SCAI: variants seen among roughly 807,000 people sequenced by gnomAD.
The protein encoded by SCAI is suppressor of cancer cell invasion.
SCAI carries 24 observed loss-of-function variants against 92.2 expected under a neutral mutation model. The observed-to-expected ratio is 0.26, with a 90% CI of 0.19 to 0.37. The LOEUF (loss-of-function observed/expected upper bound fraction) is 0.37. SCAI is among the 10% of genes least tolerant of loss of function. SCAI has a pLI of 1.00. For missense variants in SCAI, 450 were observed against 736.2 expected (o/e 0.61, Z 4.50); for synonymous variants, 261 against 258.6 (o/e 1.01, Z -0.09).
At chr9:125,051,023 T>G (rs1833550804) in intron 3 of SCAI, among the ~76,000 whole-genome samples, 1 of 152,110 alleles carries the variant, frequency 6.6e-6, no homozygotes, top group African/African-American at 2.4e-5. Context: ...ATGGCTTATT[T>G]ATTTATTTAT....
chr9:125,100,847 A>G (rs1834662936), intron 2 of SCAI, among the ~76,000 whole-genome samples: 1 of 152,214 alleles, frequency 6.6e-6, no homozygotes, highest in Non-Finnish European at 1.5e-5. Flanking sequence ...GTAGAAAATT[A>G]TTCTAGGCAG....
rs573625096 is a variant in SCAI, at chr9:125,019,566, G to A, written c.610-361C>T. Among the ~76,000 whole-genome samples, 4 of 152,180 alleles carry A rather than the reference G, an allele frequency of 2.6e-5. No homozygotes were observed. In the East Asian group the frequency reaches 5.8e-4, roughly 22 times the overall value. On this transcript the variant is annotated intron_variant, in intron 7 of 17. Transcript: ENST00000336505. ...TGTAATCCCAGCCCTTTGGGAGGTC[G>A]AGGTGGGAGGATCATTTGAGGCCAA...
intron 2 of SCAI, among the ~76,000 whole-genome samples, chr9:125,087,349 C>T (rs1834343008): frequency 6.6e-6 from 1 of 152,144 alleles, no homozygotes; most frequent in Non-Finnish European, 1.5e-5. Context: ...GGTTATCAGG[C>T]AGAAAGTTGG....
At chr9:125,110,095 G>C (rs1051678828) in intron 2 of SCAI, among the ~76,000 whole-genome samples, 2 of 152,224 alleles carry the variant, frequency 1.3e-5, no homozygotes, top group Non-Finnish European at 2.9e-5. Flanking sequence ...TATTCTAGTA[G>C]AGAGGATAAA....
At chr9:124,988,723 T>C (rs970234694) in intron 14 of SCAI, among the ~76,000 whole-genome samples, 8 of 152,068 alleles carry the variant, frequency 5.3e-5, no homozygotes, top group African/African-American at 1.9e-4. Flanking sequence ...AAAAAAGTTC[T>C]TAAAAGACAG....
At chr9:125,097,896 T>C (rs975795503) in intron 2 of SCAI, among the ~76,000 whole-genome samples, 8 of 151,754 alleles carry the variant, frequency 5.3e-5, no homozygotes, top group African/African-American at 1.7e-4. Context: ...TATATTCTTA[T>C]ATGTATATAT....
chr9:125,136,537 T>A (rs1397938639), intron 2 of SCAI, among the ~76,000 whole-genome samples: 1 of 140,782 alleles, frequency 7.1e-6, no homozygotes, highest in Non-Finnish European at 1.5e-5. Context: ...CTCAGCTCAC[T>A]GCAACCTCTG....
At chr9:125,029,761 T>G (rs376553994) in intron 3 of SCAI, 22 bp from the exon 4 acceptor site, 9 of 1,363,816 alleles carry the variant, frequency 6.6e-6, no homozygotes, top group Non-Finnish European at 9.3e-6. Flanking sequence ...AATGAGTATG[T>G]ATTAATATTA....
chr9:125,100,103 G>A (rs899479731), intron 2 of SCAI, among the ~76,000 whole-genome samples: 2 of 152,178 alleles, frequency 1.3e-5, no homozygotes, highest in South Asian at 2.1e-4. Flanking sequence ...ATTTTTTAAG[G>A]AACTGCCATA....
chr9:124,949,466 TC>T lies in SCAI; in HGVS notation c.*3340del, dbSNP rs1186328182. ...GAAGCCTACCCTGATCATCACTTTT[TC>T]TTTTCTTTTTTTCCAGAGACGAGGT... On this transcript the variant is annotated 3_prime_UTR_variant, in exon 18 of 18. Coordinates refer to ENST00000336505, the MANE Select transcript of SCAI (RefSeq NM_001144877.3). This position sits in a 1 kb window ranked among gnomAD's most constrained non-coding sequence, Gnocchi z 4.0. 1 of 152,298 alleles carries T rather than the reference TC, an allele frequency of 6.6e-6. No homozygotes were observed. Among genetic ancestry groups the T allele is most frequent in the East Asian group, 1.9e-4 (1 of 5,198 alleles). 9.4% of individuals were successfully genotyped at this position (152,298 alleles called of 1,614,324 possible). A position where few individuals can be genotyped will look rare whatever the true frequency, so the allele number is the denominator to read the frequency against.
chr9:125,078,489 C>T (rs1354769144), intron 2 of SCAI, among the ~76,000 whole-genome samples: 2 of 152,138 alleles, frequency 1.3e-5, no homozygotes, highest in African/African-American at 4.8e-5. Context: ...GATCACGCCA[C>T]TGCACTCCAG....
chr9:124,959,552 A>AC, intron 17 of SCAI, among the ~76,000 whole-genome samples: 1 of 150,530 alleles, frequency 6.6e-6, no homozygotes, highest in Admixed American at 6.6e-5. Context: ...ATATATATAT[A>AC]AAATACTTTA....
chr9:125,078,021 T>C (rs1279362550), intron 2 of SCAI, among the ~76,000 whole-genome samples: 1 of 151,592 alleles, frequency 6.6e-6, no homozygotes, highest in Admixed American at 6.6e-5. Flanking sequence ...TACCCAGCCT[T>C]TGGTGTATTT....
At chr9:124,975,657 A>G (rs12004504) in intron 15 of SCAI, among the ~76,000 whole-genome samples, 29,558 of 152,212 alleles carry the variant, frequency 0.19, 3,366 homozygotes, top group Non-Finnish European at 0.25. Context: ...TAAAAGAAAC[A>G]CTTTAAGTTG....
At chr9:125,131,098 CAG>C (rs1835390298) in intron 2 of SCAI, among the ~76,000 whole-genome samples, 1 of 151,708 alleles carries the variant, frequency 6.6e-6, no homozygotes, top group Non-Finnish European at 1.5e-5. Flanking sequence ...AGCTAACAAA[CAG>C]ATATTTTTTT....
rs111417728 is a variant in SCAI, at chr9:125,119,879, G to C, written c.98+22754C>G. On this transcript the variant is annotated intron_variant, in intron 2 of 17. Coordinates refer to ENST00000336505, the MANE Select transcript of SCAI (RefSeq NM_001144877.3). ...CAGCTGGGAGCTCAGCTGGGGCTGA[G>C]AGTCAGGAGCTTCAGTTTCCCTCTT... Among the ~76,000 whole-genome samples, 192 of 152,342 alleles carry C rather than the reference G, an allele frequency of 1.3e-3. 2 individuals are homozygous for C. The highest frequency in any genetic ancestry group is 4.3e-3 in the African/African-American group (180 of 41,588).
chr9:125,065,950 A>G (rs1220534887), intron 2 of SCAI: 4 of 742,828 alleles, frequency 5.4e-6, no homozygotes, highest in African/African-American at 1.8e-5. Flanking sequence ...CATTAATTTT[A>G]TAAAGGATAT....
intron 3 of SCAI, among the ~76,000 whole-genome samples, chr9:125,043,039 TG>T (rs1281976882): frequency 6.6e-6 from 1 of 151,978 alleles, no homozygotes; most frequent in East Asian, 2.0e-4. Flanking sequence ...CTAATTGCTT[TG>T]TATTTTTAGT....
Position 124,952,164 on chromosome 9 carries a change from A to G in SCAI, c.*643T>C, listed in dbSNP as rs1831243029. On this transcript the variant is annotated 3_prime_UTR_variant, in exon 18 of 18. Coordinates refer to ENST00000336505, the MANE Select transcript of SCAI (RefSeq NM_001144877.3). The stretch of plus-strand genomic sequence containing the variant: ...AGAAAATATGCAAATAAATCTCATA[A>G]TACTCATACATTCCAAGTAATATTA... 6.6e-6 allele frequency: 1 copy of G among 152,222 alleles called. No individual in the cohort carries two copies. The highest frequency in any genetic ancestry group is 2.1e-4 in the South Asian group (1 of 4,832). The allele number at this position is 152,222 out of a possible 1,614,324, so 9.4% of individuals were successfully genotyped here. A position where few individuals can be genotyped will look rare whatever the true frequency, so the allele number is the denominator to read the frequency against.
Sources: allele counts gnomAD v4.1 joint callset (sites outside exome capture counted in the v4.1 genomes callset), GRCh38; gene constraint gnomAD v4.1.1; non-coding constraint Gnocchi (gnomAD v3.1); transcripts MANE v1.5; gene names NCBI Gene and HGNC (gene_info 2026-07-23, HGNC 2026-07-21).